Variants in ZNF385D observed in about 807,000 individuals in gnomAD.
ZNF385D encodes zinc finger protein 385D.
Under a neutral mutation model 35.8 loss-of-function variants are expected in ZNF385D, and 15 were observed. The ratio of observed to expected loss-of-function variants is 0.42; its 90% CI spans 0.28 to 0.64. The LOEUF (loss-of-function observed/expected upper bound fraction) is 0.64. Among genes scored for constraint, ZNF385D ranks in the 30% least tolerant of loss-of-function variants. ZNF385D has a pLI of 0.23. For missense variants in ZNF385D, 474 were observed against 494.6 expected (o/e 0.96, Z 0.39); for synonymous variants, 212 against 186.8 (o/e 1.13, Z -1.10).
chr3:22,194,844 G>A (rs1160399124), intron 2 of ZNF385D, among the ~76,000 whole-genome samples: 1 of 151,752 alleles, frequency 6.6e-6, no homozygotes, highest in African/African-American at 2.4e-5. Flanking sequence ...TTTTGTTACT[G>A]AGAATTTCTC....
intron 3 of ZNF385D, among the ~76,000 whole-genome samples, chr3:22,012,615 T>A (rs1234814152): frequency 6.6e-6 from 1 of 151,996 alleles, no homozygotes; most frequent in African/African-American, 2.4e-5. Context: ...ACTAATGAGA[T>A]AGGAATGTGG....
chr3:22,202,430 TG>T, intron 2 of ZNF385D, among the ~76,000 whole-genome samples: 1 of 152,056 alleles, frequency 6.6e-6, no homozygotes, highest in Admixed American at 6.6e-5. Context: ...GAAGTGTGCC[TG>T]GGGGAGGTGA....
At chr3:21,805,220 G>A (rs1472896173) in intron 3 of ZNF385D, among the ~76,000 whole-genome samples, 2 of 152,200 alleles carry the variant, frequency 1.3e-5, no homozygotes, top group East Asian at 1.9e-4. Flanking sequence ...GAAAAACTGG[G>A]TGATCTATTT....
At chr3:21,657,611 G>T (rs982295315) in intron 2 of ZNF385D, among the ~76,000 whole-genome samples, 1 of 151,910 alleles carries the variant, frequency 6.6e-6, no homozygotes. Flanking sequence ...GGACAAGGAA[G>T]ATAGCAATCA....
At position 22,016,891 on chromosome 3, in the gene ZNF385D, T is replaced by TC. The variant is rs1218066770; in HGVS notation, c.325+151925_325+151926insG. Reference sequence around the variant, plus strand: ...TAAGATCTAATAAAAGTTTATTGAATTTATCTATCAATCTATCTATCTATC... The same window carrying TC: ...TAAGATCTAATAAAAGTTTATTGAATCTTATCTATCAATCTATCTATCTATC... On this transcript the variant is annotated intron_variant, in intron 3 of 5. Transcript: ENST00000494108. 1.3e-3 allele frequency among the ~76,000 whole-genome samples: 191 copies of TC among 150,540 alleles called. 2 individuals are homozygous for TC. The highest frequency in any genetic ancestry group is 4.4e-3 in the African/African-American group (178 of 40,084).
chr3:21,973,453 G>A (rs780760133), intron 3 of ZNF385D, among the ~76,000 whole-genome samples: 3 of 151,888 alleles, frequency 2.0e-5, no homozygotes, highest in Admixed American at 6.6e-5. Context: ...CAGACTCACC[G>A]CTAGTATCAT....
intron 2 of ZNF385D, among the ~76,000 whole-genome samples, chr3:22,273,289 C>T (rs1286652470): frequency 1.3e-5 from 2 of 152,010 alleles, no homozygotes; most frequent in Non-Finnish European, 2.9e-5. Context: ...CACACATCAG[C>T]TGCACAGTAA....
intron 1 of ZNF385D, among the ~76,000 whole-genome samples, chr3:21,697,337 A>G (rs1159968608): frequency 6.6e-6 from 1 of 152,196 alleles, no homozygotes; most frequent in African/African-American, 2.4e-5. Flanking sequence ...ACAAGAAATC[A>G]ATATATAATG....
intron 3 of ZNF385D, among the ~76,000 whole-genome samples, chr3:21,892,699 C>G (rs1698933922): frequency 6.6e-6 from 1 of 152,084 alleles, no homozygotes; most frequent in East Asian, 1.9e-4. Context: ...GACATTCACT[C>G]TCTCCACCAG....
intron 3 of ZNF385D, among the ~76,000 whole-genome samples, chr3:22,020,089 T>A (rs1697134858): frequency 6.6e-6 from 1 of 151,862 alleles, no homozygotes; most frequent in African/African-American, 2.4e-5. Context: ...AACAAATATT[T>A]TGGTTAAAAA....
intron 2 of ZNF385D, among the ~76,000 whole-genome samples, chr3:21,631,855 T>C (rs181369307): frequency 2.0e-5 from 3 of 152,278 alleles, no homozygotes; most frequent in South Asian, 2.1e-4. Context: ...AATCTCGTCA[T>C]GTTTTTAGGG....
At chr3:21,732,666 C>T (rs946815333) in intron 1 of ZNF385D, among the ~76,000 whole-genome samples, 3 of 152,100 alleles carry the variant, frequency 2.0e-5, no homozygotes, top group Non-Finnish European at 4.4e-5. Context: ...TTTTCATATG[C>T]CTATTTTCTA....
chr3:22,084,469 AAG>A (rs756549077), intron 3 of ZNF385D, among the ~76,000 whole-genome samples: 7 of 152,312 alleles, frequency 4.6e-5, no homozygotes, highest in Non-Finnish European at 8.8e-5. Context: ...CAAAGATCAA[AAG>A]AGACAAAGAA....
intron 3 of ZNF385D, among the ~76,000 whole-genome samples, chr3:21,875,502 T>C (rs1697917957): frequency 6.6e-6 from 1 of 152,108 alleles, no homozygotes; most frequent in African/African-American, 2.4e-5. Flanking sequence ...CATCTCTAAA[T>C]ACCACTTCAA....
At chr3:21,910,895 T>C (rs1699929634) in intron 3 of ZNF385D, among the ~76,000 whole-genome samples, 1 of 151,928 alleles carries the variant, frequency 6.6e-6, no homozygotes, top group South Asian at 2.1e-4. Flanking sequence ...AATTTTATTA[T>C]GTTTGATAAC....
intron 2 of ZNF385D, among the ~76,000 whole-genome samples, chr3:22,235,885 AT>A (rs1234720230): frequency 6.6e-6 from 1 of 152,108 alleles, no homozygotes; most frequent in Non-Finnish European, 1.5e-5. Flanking sequence ...TGTTCGACAA[AT>A]AAAAAGTAAA....
At chr3:22,186,013 T>C (rs1695606615) in intron 2 of ZNF385D, among the ~76,000 whole-genome samples, 1 of 152,146 alleles carries the variant, frequency 6.6e-6, no homozygotes, top group African/African-American at 2.4e-5. Context: ...TTAATAATAT[T>C]TTACTAAAAT....
intron 2 of ZNF385D, among the ~76,000 whole-genome samples, chr3:21,587,084 G>A (rs190459354): frequency 6.6e-6 from 1 of 152,230 alleles, no homozygotes; most frequent in Admixed American, 6.6e-5. Context: ...ATGGAGAATA[G>A]TATATCTGGA....
At chr3:21,934,999 G>T (rs576892842) in intron 3 of ZNF385D, among the ~76,000 whole-genome samples, 159 of 152,278 alleles carry the variant, frequency 1.0e-3, no homozygotes, top group African/African-American at 3.7e-3. Flanking sequence ...GTGTCCAGTG[G>T]TACTTAGTGC....
Sources: gnomAD v4.1 joint callset for allele counts (sites outside exome capture counted in the v4.1 genomes callset) on GRCh38, gnomAD v4.1.1 for gene constraint, MANE v1.5 for transcripts, NCBI Gene and HGNC (gene_info 2026-07-23, HGNC 2026-07-21) for gene names.